FLNC: variants seen among roughly 807,000 people sequenced by gnomAD.
The protein encoded by FLNC is filamin C.
FLNC carries 91 observed loss-of-function variants against 254.3 expected under a neutral mutation model. That is an observed-to-expected ratio of 0.36 (90% CI 0.30 to 0.43). The LOEUF (loss-of-function observed/expected upper bound fraction) is 0.43, where lower values mean the gene tolerates loss of function less well. FLNC is among the 20% of genes least tolerant of loss of function. The pLI is 1.00. For missense variants in FLNC, 2,853 were observed against 3,802.6 expected (o/e 0.75, Z 6.57); for synonymous variants, 1,430 against 1,577.2 (o/e 0.91, Z 2.21).
In FLNC at chr7:128,854,672, C is replaced by A; in HGVS notation, c.6987C>A (p.Ala2329=). Residue 2329 remains alanine (A), a synonymous_variant, in exon 41 of 48, where the codon GCC becomes GCA. Transcript: ENST00000325888. ...AGGTGLERGV[A]GVPAEFSIWT... ...GCACAGGGCTGGAGCGAGGTGTGGC[C>A]GGCGTGCCAGGTAAGGGGCAGGTGG... The A allele has an allele frequency of 1.2e-6, 2 of 1,612,344 alleles. No homozygotes were observed. The highest frequency in any genetic ancestry group is 1.7e-6 in the Non-Finnish European group (2 of 1,179,270).
At chr7:128,837,616 G>A in intron 4 of FLNC, 21 bp from the exon 5 acceptor site, 2 of 1,613,130 alleles carry the variant, frequency 1.2e-6, no homozygotes, top group Non-Finnish European at 1.7e-6. Flanking sequence ...GAGTAACCTG[G>A]GCTCTGCTCC....
At chr7:128,848,460 C>A in intron 26 of FLNC, 101 bp from the exon 27 acceptor site, 1 of 1,256,320 alleles carries the variant, frequency 8.0e-7, no homozygotes, top group Non-Finnish European at 1.2e-6. Flanking sequence ...GTCCTCCCTC[C>A]TGCCCATGTC....
In FLNC at chr7:128,837,013, G is replaced by A. The variant is rs1049261951; in HGVS notation, c.602-147G>A. The A allele has an allele frequency of 9.1e-6, 6 of 656,994 alleles. No homozygotes were observed. In the Admixed American group the frequency reaches 9.2e-5, roughly 10 times the overall value. The allele number at this position is 656,994 out of a possible 1,614,324, so 40.7% of individuals were successfully genotyped here. A position where few individuals can be genotyped will look rare whatever the true frequency, so the allele number is the denominator to read the frequency against. ...TGGTGAGGGGCCTCGAAGCTGATGG[G>A]GTCAGCAGGAACCTGGCTGGTCAAG... is the stretch of plus-strand genomic sequence containing the variant. On this transcript the variant is annotated intron_variant, in intron 2 of 47. Transcript: ENST00000325888.
At chr7:128,849,105 C>A in intron 28 of FLNC, 76 bp from the exon 29 acceptor site, 1 of 1,548,222 alleles carries the variant, frequency 6.5e-7, no homozygotes, top group Non-Finnish European at 8.9e-7. Context: ...GCCCTGGCCC[C>A]TCCCTCCCTC....
Position 128,852,005 on chromosome 7 carries a change from C to A in FLNC, c.5842+377C>A, listed in dbSNP as rs549951983. Among the ~76,000 whole-genome samples, 3 of 152,230 alleles carry A rather than the reference C, an allele frequency of 2.0e-5. No individual in the cohort carries two copies. The South Asian group carries it at 6.2e-4, about 32-fold the overall frequency. On this transcript the variant is annotated intron_variant, in intron 35 of 47. Coordinates refer to ENST00000325888, the MANE Select transcript of FLNC (RefSeq NM_001458.5). ...CTCAGCCTCCCAAGTAGCTGGGACT[C>A]CAGGCGCCCGCCACCATGCCTGGCT...
intron 35 of FLNC, 128 bp from the exon 36 acceptor site, chr7:128,852,463 C>A: frequency 9.3e-7 from 1 of 1,073,366 alleles, no homozygotes; most frequent in Non-Finnish European, 1.4e-6. Context: ...CTTGGGCCTC[C>A]GTGCACCTGG....
rs34932223 is a variant in FLNC at position 128,840,575 on chromosome 7, G to A, written c.1577G>A (p.Arg526Gln). The A allele has an allele frequency of 2.1e-3, 3,410 of 1,614,216 alleles. 20 individuals carry two copies. Among genetic ancestry groups the A allele is most frequent in the South Asian group, 9.6e-3 (870 of 91,090 alleles). Reference protein sequence around the residue: ...PKGTEEPVKVREAGDGVFECE... With the variant: ...PKGTEEPVKVQEAGDGVFECE... ...GGCACAGAGGAGCCAGTGAAGGTGC[G>A]GGAGGCTGGGGATGGTGTGTTCGAG... The change falls in exon 10 of 48, where the codon CGG (arginine) becomes CAG (glutamine). Residue 526 changes from arginine (R) to glutamine (Q), a missense_variant. Physicochemically the swap from Arg to Gln is conservative, Grantham distance 43. This residue lies in a region of FLNC where 1,573 missense variants were observed against 1,883.5 expected (regional missense o/e 0.84). Transcript: ENST00000325888.
intron 32 of FLNC, 51 bp from the exon 33 acceptor site, chr7:128,850,752 G>A: frequency 6.2e-7 from 1 of 1,612,554 alleles, no homozygotes; most frequent in Non-Finnish European, 8.5e-7. Context: ...ACAGCAGGGA[G>A]GTTGCAGTGG....
rs34422412 is a variant in FLNC, at chr7:128,854,456, A to T, written c.6771A>T (p.Pro2257=). ...ACATGACTGCACAGGTGACCAGCCC[A>T]TCGGGCAAGGTGGAAGCCGCAGAGA... ...SQDMTAQVTS[P]SGKVEAAEIV... is the part of the protein sequence containing the mutation. Residue 2257 remains proline, a synonymous_variant, in exon 41 of 48, where the codon CCA becomes CCT. Coordinates refer to ENST00000325888, the MANE Select transcript of FLNC (RefSeq NM_001458.5). The T allele has an allele frequency of 6.2e-7, 1 of 1,609,844 alleles. No homozygotes were observed. The highest frequency in any genetic ancestry group is 8.5e-7 in the Non-Finnish European group (1 of 1,178,600).
intron 26 of FLNC, 140 bp from the exon 27 acceptor site, chr7:128,848,421 G>A (rs1179557374): frequency 2.1e-6 from 2 of 933,776 alleles, no homozygotes; most frequent in Non-Finnish European, 3.5e-6. Flanking sequence ...ATCGGCTTCT[G>A]GGAACTGGTC....
intron 28 of FLNC, 32 bp downstream of exon 28, chr7:128,849,014 C>T: frequency 6.2e-7 from 1 of 1,605,540 alleles, no homozygotes; most frequent in Non-Finnish European, 8.5e-7. Context: ...GTGCCCTGCT[C>T]ACCACCCAGC....
chr7:128,853,342 A>AT, intron 37 of FLNC, 127 bp from the exon 38 acceptor site: 1 of 1,250,400 alleles, frequency 8.0e-7, no homozygotes, highest in Non-Finnish European at 1.1e-6. Flanking sequence ...CCACTGAGCC[A>AT]TTTTTGTTAG....
At chr7:128,831,114 A>G in intron 1 of FLNC, 125 bp downstream of exon 1, 3 of 865,630 alleles carry the variant, frequency 3.5e-6, no homozygotes, top group South Asian at 1.7e-5. Context: ...CCCGGTATAG[A>G]GAGAAGACCC....
Position 128,850,086 on chromosome 7 carries a change from C to T in FLNC, c.5298+12C>T, listed in dbSNP as rs1441508309. The T allele has an allele frequency of 7.3e-6, 11 of 1,517,026 alleles. No homozygotes were observed. The Admixed American group carries it at 1.4e-4, about 19-fold the overall frequency. 94.0% of individuals were successfully genotyped at this position (1,517,026 alleles called of 1,614,324 possible). On this transcript the variant is annotated intron_variant, in intron 31 of 47. Coordinates refer to ENST00000325888, the MANE Select transcript of FLNC (RefSeq NM_001458.5). ...GCCCCACACACTGGGTACTGCGCCT[C>T]CCACCAGGCGATGTCCTCCTCCTCC...
intron 31 of FLNC, 62 bp from the exon 32 acceptor site, chr7:128,850,322 T>C (rs550584402): frequency 5.9e-6 from 8 of 1,363,886 alleles, no homozygotes; most frequent in East Asian, 2.3e-5. Context: ...GCTTCAGTCA[T>C]AGCATGGGTC....
At chr7:128,854,959 G>T in intron 42 of FLNC, 47 bp downstream of exon 42, 2 of 1,608,438 alleles carry the variant, frequency 1.2e-6, no homozygotes. Context: ...TGACCTTCCA[G>T]ACTGGGTTTC....
Position 128,844,234 on chromosome 7 carries a change from G to C in FLNC, c.3160G>C (p.Val1054Leu). The C allele has an allele frequency of 1.9e-6, 3 of 1,610,980 alleles. No homozygotes were observed. Among genetic ancestry groups the C allele is most frequent in the Non-Finnish European group, 2.5e-6 (3 of 1,178,204 alleles). Residue 1054 changes from valine to leucine, a missense_variant, in exon 20 of 48, where the codon GTG becomes CTG. Physicochemically the swap from Val to Leu is conservative, Grantham distance 32. Transcript: ENST00000325888. ...GHPVPGSPFA[V>L]EGVLPPDPSK... ...CCCGGTGCCTGGCAGCCCGTTTGCT[G>C]TGGAGGGTGTCCTGCCCCCTGATCC...
At position 128,838,686 on chromosome 7, in the gene FLNC, G is replaced by A; in HGVS notation, c.1294G>A (p.Gly432Ser). 2 of 1,613,054 alleles carry A rather than the reference G, an allele frequency of 1.2e-6. No homozygotes were observed. The highest frequency in any genetic ancestry group is 1.7e-6 in the Non-Finnish European group (2 of 1,180,000). Residue 432 changes from glycine to serine, a missense_variant, in exon 8 of 48, where the codon GGT (glycine) becomes AGT (serine). Coordinates refer to ENST00000325888, the MANE Select transcript of FLNC (RefSeq NM_001458.5). Reference protein sequence around the residue: ...DTVEVALEDKGDSTFRCTYRP... With the variant: ...DTVEVALEDKSDSTFRCTYRP... ...AGTGGAGGTGGCCCTGGAGGACAAG[G>A]GTGACAGCACGTTCCGCTGCACATA...
Position 128,841,561 on chromosome 7 carries a change from T to C in FLNC, c.2115T>C (p.Tyr705=). The change falls in exon 13 of 48, where the codon TAT becomes TAC. Residue 705 remains tyrosine (Y), a synonymous_variant. Transcript: ENST00000325888. The surrounding 1 kb of genome is among the most constrained non-coding windows in gnomAD (Gnocchi z 4.3). ...RAAGKGDLKL[Y]AQDADGCPID... is the part of the protein sequence containing the mutation. Reference sequence around the variant, plus strand: ...CTGGCAAGGGAGACCTGAAGCTCTATGCCCAGGTAGGTCATTGTCCAGTCT... The same window carrying C: ...CTGGCAAGGGAGACCTGAAGCTCTACGCCCAGGTAGGTCATTGTCCAGTCT... 1 of 1,610,998 alleles carries C rather than the reference T, an allele frequency of 6.2e-7. No individual in the cohort carries two copies.
Sources: allele counts gnomAD v4.1 joint callset (sites outside exome capture counted in the v4.1 genomes callset), GRCh38; gene constraint gnomAD v4.1.1; regional missense constraint gnomAD v4.1.1; non-coding constraint Gnocchi (gnomAD v3.1); transcripts MANE v1.5; gene names NCBI Gene and HGNC (gene_info 2026-07-23, HGNC 2026-07-21).